ACTN4: variants seen among roughly 807,000 people sequenced by gnomAD.
ACTN4 encodes the protein alpha-actinin-4.
A neutral mutation model predicts 114.2 loss-of-function variants in ACTN4; 18 were observed. That is an observed-to-expected ratio of 0.16 (90% CI 0.11 to 0.23). The LOEUF (loss-of-function observed/expected upper bound fraction) is 0.23, where lower values mean the gene tolerates loss of function less well. Among genes scored for constraint, ACTN4 ranks in the 10% least tolerant of loss-of-function variants. The pLI is 1.00. For missense variants in ACTN4, 722 were observed against 1,262.9 expected (o/e 0.57, Z 6.49); for synonymous variants, 515 against 506.3 (o/e 1.02, Z -0.23).
Position 38,731,152 on chromosome 19 carries a change from A to C in ACTN4, c.*1720A>C. ...GCCACACAGGACACGAACCGCTCGA[A>C]GTCCACACGCAGACGGCTATCCCGG... On this transcript the variant is annotated 3_prime_UTR_variant, in exon 21 of 21. Coordinates refer to ENST00000252699, the MANE Select transcript of ACTN4 (RefSeq NM_004924.6). The C allele has an allele frequency of 6.2e-7, 1 of 1,613,250 alleles. No individual in the cohort carries two copies.
At position 38,673,608 on chromosome 19, in the gene ACTN4, C is replaced by T. The variant is rs8182559; in HGVS notation, c.162+25701C>T. 2.4e-3 allele frequency among the ~76,000 whole-genome samples: 91 copies of T among 38,326 alleles called. 3 individuals are homozygous for T. The highest frequency in any genetic ancestry group is 3.4e-3 in the East Asian group (5 of 1,492). The allele number at this position is 38,326 out of a possible 152,430, so 25.1% of individuals were successfully genotyped here. A position where few individuals can be genotyped will look rare whatever the true frequency, so the allele number is the denominator to read the frequency against. ...ATATTTATATATATTCATATATATT[C>T]ATTTATATTTATATATATTCATATA... On this transcript the variant is annotated intron_variant, in intron 1 of 20. Coordinates refer to ENST00000252699, the MANE Select transcript of ACTN4 (RefSeq NM_004924.6).
At chr19:38,700,941 G>GCCCTCTCT in intron 2 of ACTN4, 61 bp from the exon 3 acceptor site, 2 of 1,598,988 alleles carry the variant, frequency 1.3e-6, no homozygotes, top group East Asian at 2.2e-5. Flanking sequence ...TCTCCCTCTC[G>GCCCTCTCT]CCCTCTCTCC....
chr19:38,652,268 C>CT (rs779325700), intron 1 of ACTN4, among the ~76,000 whole-genome samples: 8 of 152,166 alleles, frequency 5.3e-5, no homozygotes, highest in Non-Finnish European at 1.2e-4. Context: ...CAAGTATACT[C>CT]TGTTTGCCCT....
At chr19:38,718,315 C>T (rs977325962) in intron 11 of ACTN4, 9 of 723,868 alleles carry the variant, frequency 1.2e-5, no homozygotes, top group Non-Finnish European at 2.1e-5. Flanking sequence ...TCACTTGAGC[C>T]CAAGAGTTTG....
chr19:38,692,386 T>C (rs909384897), intron 1 of ACTN4, among the ~76,000 whole-genome samples: 7 of 152,258 alleles, frequency 4.6e-5, no homozygotes, highest in Non-Finnish European at 1.0e-4. Context: ...GGCTGTGTTA[T>C]TGTGACCTGC....
chr19:38,726,962 C>G lies in ACTN4; in HGVS notation c.2196C>G (p.Ile732Met). Residue 732 changes from isoleucine (I) to methionine (M), a missense_variant, in exon 18 of 21, where the codon ATC becomes ATG. Transcript: ENST00000252699. Reference protein sequence around the residue: ...NKHTNYTMEHIRVGWEQLLTT... With the variant: ...NKHTNYTMEHMRVGWEQLLTT... Reference sequence around the variant, plus strand: ...ACGCCCCCGTCTTTCCGCAGCACATCCGCGTGGGCTGGGAGCAGCTGCTCA... The same window carrying G: ...ACGCCCCCGTCTTTCCGCAGCACATGCGCGTGGGCTGGGAGCAGCTGCTCA... 14 of 1,613,986 alleles carry G rather than the reference C, an allele frequency of 8.7e-6. No individual in the cohort carries two copies. Among genetic ancestry groups the G allele is most frequent in the Non-Finnish European group, 1.2e-5 (14 of 1,180,026 alleles).
At position 38,710,343 on chromosome 19, in the gene ACTN4, G is replaced by C; in HGVS notation, c.819+1G>C. Reference sequence around the variant, plus strand: ...CCATGCCTTTTCAGGAGCGCAGAAGGTACCGAGCAGGGCCAGGCAGGCCCT... The same window carrying C: ...CCATGCCTTTTCAGGAGCGCAGAAGCTACCGAGCAGGGCCAGGCAGGCCCT... On this transcript the variant is annotated splice_donor_variant, in intron 8 of 20. Transcript: ENST00000252699. LOFTEE classifies it high-confidence loss of function. The C allele has an allele frequency of 6.2e-7, 1 of 1,613,472 alleles. No homozygotes were observed. The highest frequency in any genetic ancestry group is 8.5e-7 in the Non-Finnish European group (1 of 1,180,008).
chr19:38,652,771 C>G (rs1175809724), intron 1 of ACTN4, among the ~76,000 whole-genome samples: 1 of 152,112 alleles, frequency 6.6e-6, no homozygotes, highest in African/African-American at 2.4e-5. Flanking sequence ...AGCTCTGACA[C>G]AGTCAGGGAG....
At chr19:38,658,944 A>G (rs1344865038) in intron 1 of ACTN4, among the ~76,000 whole-genome samples, 1 of 151,850 alleles carries the variant, frequency 6.6e-6, no homozygotes, top group Non-Finnish European at 1.5e-5. Flanking sequence ...TAATCACCCG[A>G]CACTGTGTCT....
chr19:38,687,486 T>C (rs1967785159), intron 1 of ACTN4, among the ~76,000 whole-genome samples: 1 of 152,222 alleles, frequency 6.6e-6, no homozygotes, highest in South Asian at 2.1e-4. Context: ...ACATCTATTG[T>C]CAATTGATTT....
At chr19:38,648,066 G>A in intron 1 of ACTN4, 159 bp downstream of exon 1, 1 of 845,900 alleles carries the variant, frequency 1.2e-6, no homozygotes, top group Non-Finnish European at 1.6e-6. Context: ...GTCCTGAGGA[G>A]GAATCGCCGA....
At chr19:38,675,253 C>T (rs1003506930) in intron 1 of ACTN4, among the ~76,000 whole-genome samples, 2 of 152,208 alleles carry the variant, frequency 1.3e-5, no homozygotes, top group Non-Finnish European at 2.9e-5. Flanking sequence ...TGGGAGAGTA[C>T]AGCCAACCTG....
Position 38,729,497 on chromosome 19 carries a change from C to T in ACTN4, c.*65C>T. On this transcript the variant is annotated 3_prime_UTR_variant, in exon 21 of 21. Transcript: ENST00000252699. ...GGAGGGGCCTGGGCAGCCCCACAGT[C>T]CCATTCCTCCACTCTGTATCTATGC... is the stretch of plus-strand genomic sequence containing the variant. 1 of 1,537,780 alleles carries T rather than the reference C, an allele frequency of 6.5e-7. No individual in the cohort carries two copies. Among genetic ancestry groups the T allele is most frequent in the Non-Finnish European group, 8.9e-7 (1 of 1,129,118 alleles).
rs985860885 is a variant in ACTN4 at position 38,647,662 on chromosome 19, C to A, written c.-84C>A. 4 of 1,464,976 alleles carry A rather than the reference C, an allele frequency of 2.7e-6. No individual in the cohort carries two copies. Among genetic ancestry groups the A allele is most frequent in the Non-Finnish European group, 2.7e-6 (3 of 1,105,278 alleles). 90.7% of individuals were successfully genotyped at this position (1,464,976 alleles called of 1,614,324 possible). On this transcript the variant is annotated 5_prime_UTR_variant, in exon 1 of 21. Coordinates refer to ENST00000252699, the MANE Select transcript of ACTN4 (RefSeq NM_004924.6). ...GGAGGGCGGGCTGAAGCAGCTGAAG[C>A]GGCGGTAGCGGCGGCGGCTCGGGCA...
At chr19:38,721,863 G>A in intron 12 of ACTN4, 175 bp downstream of exon 12, 1 of 933,568 alleles carries the variant, frequency 1.1e-6, no homozygotes, top group Non-Finnish European at 1.7e-6. Flanking sequence ...GAGGCCTTTT[G>A]CCCATCCTGT....
chr19:38,725,943 G>T (rs1391692246), intron 17 of ACTN4, 40 bp downstream of exon 17: 2 of 1,611,088 alleles, frequency 1.2e-6, no homozygotes, highest in Non-Finnish European at 1.7e-6. Context: ...CCACCAGCAT[G>T]GCCGGCTTCC....
At chr19:38,714,239 G>C (rs1017613414) in intron 8 of ACTN4, among the ~76,000 whole-genome samples, 1 of 152,198 alleles carries the variant, frequency 6.6e-6, no homozygotes, top group Non-Finnish European at 1.5e-5. Flanking sequence ...AACCCTCCTC[G>C]GTGCCTCCAG....
At chr19:38,677,947 A>G (rs1967431635) in intron 1 of ACTN4, among the ~76,000 whole-genome samples, 1 of 152,042 alleles carries the variant, frequency 6.6e-6, no homozygotes, top group Admixed American at 6.6e-5. Flanking sequence ...GGCTGGTCTC[A>G]AACTCCTGGC....
intron 1 of ACTN4, among the ~76,000 whole-genome samples, chr19:38,684,594 G>C (rs1321609959): frequency 3.3e-5 from 5 of 152,242 alleles, no homozygotes; most frequent in Non-Finnish European, 7.3e-5. Context: ...AAGGCTTGTA[G>C]GTGGGGCGAG....
Sources: gnomAD v4.1 joint callset for allele counts (sites outside exome capture counted in the v4.1 genomes callset) on GRCh38, gnomAD v4.1.1 for gene constraint, MANE v1.5 for transcripts, NCBI Gene and HGNC (gene_info 2026-07-23, HGNC 2026-07-21) for gene names.